PDE10A: variants seen among roughly 807,000 people sequenced by gnomAD.
PDE10A encodes cAMP and cAMP-inhibited cGMP 3',5'-cyclic phosphodiesterase 10A.
A neutral mutation model predicts 97.7 loss-of-function variants in PDE10A; 39 were observed. That is an observed-to-expected ratio of 0.40 (90% CI 0.31 to 0.52). PDE10A has a LOEUF of 0.52. Ranked by LOEUF, PDE10A falls within the 20% of genes least tolerant of loss-of-function variation. The pLI is 0.56. For missense variants in PDE10A, 731 were observed against 1,047.8 expected, an observed-to-expected ratio of 0.70 and a Z score of 4.17; for synonymous variants, 371 against 376.8, an observed-to-expected ratio of 0.98 and a Z score of 0.18.
In PDE10A at chr6:165,482,799, T is replaced by A. The variant is rs532462185; in HGVS notation, c.995-456A>T. Among the ~76,000 whole-genome samples the A allele has an allele frequency of 3.5e-4, 53 of 152,318 alleles. 2 individuals carry two copies. The East Asian group carries it at 7.3e-3, about 21-fold the overall frequency. On this transcript the variant is annotated intron_variant, in intron 2 of 21. Coordinates refer to ENST00000539869, the MANE Select transcript of PDE10A (RefSeq NM_001385079.1). The stretch of plus-strand genomic sequence containing the variant: ...TGTTGAAATAAGAAATGTACCTGCA[T>A]GGCACTCTGGTCAAGGCATGAAACA...
rs1158561512 is a variant in PDE10A at position 165,327,603 on chromosome 6, T to C, written c.*5422A>G. The stretch of plus-strand genomic sequence containing the variant: ...TTTAAATACAAAGACTGCAAATGAA[T>C]ACATGAAAAAATTACACACATGTAC... On this transcript the variant is annotated 3_prime_UTR_variant, in exon 22 of 22. Transcript: ENST00000539869. 6.6e-6 allele frequency: 1 copy of C among 152,224 alleles called. No homozygotes were observed. The highest frequency in any genetic ancestry group is 2.4e-5 in the African/African-American group (1 of 41,478). 9.4% of individuals were successfully genotyped at this position (152,224 alleles called of 1,614,324 possible).
intron 1 of PDE10A, among the ~76,000 whole-genome samples, chr6:165,624,758 T>C (rs1788302428): frequency 6.6e-6 from 1 of 152,206 alleles, no homozygotes; most frequent in African/African-American, 2.4e-5. Context: ...GCCTTCAACA[T>C]GCTTATAGAC....
At chr6:165,569,681 T>G (rs1371551301) in intron 1 of PDE10A, among the ~76,000 whole-genome samples, 1 of 152,154 alleles carries the variant, frequency 6.6e-6, no homozygotes, top group African/African-American at 2.4e-5. Context: ...TAAATCTACT[T>G]CAAAAATTTG....
intron 18 of PDE10A, among the ~76,000 whole-genome samples, chr6:165,372,401 C>T (rs1288237858): frequency 4.1e-5 from 6 of 144,802 alleles, no homozygotes; most frequent in Non-Finnish European, 7.5e-5. Context: ...AAAATCAATG[C>T]ACAAAAATCA....
intron 1 of PDE10A, among the ~76,000 whole-genome samples, chr6:165,636,130 T>C (rs1478669152): frequency 2.0e-5 from 3 of 152,226 alleles, no homozygotes; most frequent in Non-Finnish European, 4.4e-5. Flanking sequence ...GGTTCCCCTC[T>C]TGTTTGCCTA....
At chr6:165,469,086 G>C (rs1562495989) in intron 3 of PDE10A, among the ~76,000 whole-genome samples, 1 of 152,170 alleles carries the variant, frequency 6.6e-6, no homozygotes, top group South Asian at 2.1e-4. Flanking sequence ...TCATTTTTTA[G>C]ATAAAATGAC....
At chr6:165,441,848 T>C (rs547023263) in intron 5 of PDE10A, among the ~76,000 whole-genome samples, 2 of 152,322 alleles carry the variant, frequency 1.3e-5, no homozygotes, top group East Asian at 3.9e-4. Context: ...TTCAACAGTG[T>C]CTTCAATTTC....
chr6:165,409,888 GT>G (rs58019647), intron 13 of PDE10A, among the ~76,000 whole-genome samples: 2,384 of 140,506 alleles, frequency 0.017, 62 homozygotes, highest in African/African-American at 0.054. Context: ...CTTTTCAGAA[GT>G]TTTTTTTTTT....
chr6:165,510,403 T>C (rs913733833), intron 2 of PDE10A, among the ~76,000 whole-genome samples: 4 of 152,088 alleles, frequency 2.6e-5, no homozygotes, highest in African/African-American at 4.8e-5. Context: ...TATTACCTTT[T>C]TGATGTGCTG....
intron 1 of PDE10A, among the ~76,000 whole-genome samples, chr6:165,687,568 T>C (rs1791155813): frequency 6.6e-6 from 1 of 152,176 alleles, no homozygotes; most frequent in Non-Finnish European, 1.5e-5. Flanking sequence ...TTGGATAGTG[T>C]TACCAAAGGA....
intron 1 of PDE10A, among the ~76,000 whole-genome samples, chr6:165,547,265 C>A (rs1294136370): frequency 1.3e-5 from 2 of 152,078 alleles, no homozygotes; most frequent in African/African-American, 4.8e-5. Flanking sequence ...ATTTTCATTT[C>A]ATTTTTCAGC....
At position 165,340,427 on chromosome 6, in the gene PDE10A, A is replaced by C. The variant is rs575447013; in HGVS notation, c.2896-1069T>G. On this transcript the variant is annotated intron_variant, in intron 19 of 21. Transcript: ENST00000539869. ...TAGGTATTTTTATGTACAGGACCAA[A>C]GCACTTGTCCTGACAAAGCAAAGCC... 9.2e-5 allele frequency among the ~76,000 whole-genome samples: 14 copies of C among 152,318 alleles called. No homozygotes were observed. In the South Asian group the frequency reaches 2.9e-3, roughly 32 times the overall value.
intron 1 of PDE10A, among the ~76,000 whole-genome samples, chr6:165,859,174 G>T (rs955767587): frequency 2.6e-5 from 4 of 152,178 alleles, no homozygotes; most frequent in African/African-American, 7.2e-5. Flanking sequence ...TTTCCATCCA[G>T]TGCTGATTCA....
intron 17 of PDE10A, among the ~76,000 whole-genome samples, chr6:165,384,194 G>A (rs1466916554): frequency 6.6e-6 from 1 of 152,114 alleles, no homozygotes; most frequent in Non-Finnish European, 1.5e-5. Context: ...AGGAGGAAAA[G>A]GCGGAAAAAC....
chr6:165,899,184 C>A (rs1049151703), intron 1 of PDE10A, among the ~76,000 whole-genome samples: 1 of 152,168 alleles, frequency 6.6e-6, no homozygotes, highest in African/African-American at 2.4e-5. Context: ...GGGGGATGAT[C>A]CTCATTCAGT....
chr6:165,406,722 A>G (rs1787206619), intron 13 of PDE10A, among the ~76,000 whole-genome samples: 1 of 152,110 alleles, frequency 6.6e-6, no homozygotes, highest in Non-Finnish European at 1.5e-5. Flanking sequence ...TGGTACTGGA[A>G]TCAGTGCACT....
At chr6:165,333,201 A>C in intron 21 of PDE10A, 74 bp from the exon 22 acceptor site, 7 of 901,566 alleles carry the variant, frequency 7.8e-6, no homozygotes, top group Non-Finnish European at 1.3e-5. Flanking sequence ...AACTAACCAA[A>C]CAGTCCTGTG....
intron 1 of PDE10A, among the ~76,000 whole-genome samples, chr6:165,867,549 A>T (rs1781093316): frequency 6.6e-6 from 1 of 152,100 alleles, no homozygotes; most frequent in Non-Finnish European, 1.5e-5. Context: ...ATTAGAGCTA[A>T]AGAGAGAAGT....
intron 1 of PDE10A, among the ~76,000 whole-genome samples, chr6:165,774,204 C>T (rs1021020293): frequency 2.0e-5 from 3 of 151,924 alleles, no homozygotes; most frequent in Non-Finnish European, 4.4e-5. Context: ...AAAATGAATG[C>T]GACTTGAAAG....
Sources: gnomAD v4.1 joint callset for allele counts (sites outside exome capture counted in the v4.1 genomes callset) on GRCh38, gnomAD v4.1.1 for gene constraint, MANE v1.5 for transcripts, NCBI Gene and HGNC (gene_info 2026-07-23, HGNC 2026-07-21) for gene names.